ACVR1C: variants seen among roughly 807,000 people sequenced by gnomAD.
ACVR1C encodes activin receptor type-1C.
A neutral mutation model predicts 57.9 loss-of-function variants in ACVR1C; 23 were observed. The observed-to-expected ratio is 0.40, with a 90% CI of 0.29 to 0.56. ACVR1C has a LOEUF of 0.56. Ranked by LOEUF, ACVR1C falls within the 20% of genes least tolerant of loss-of-function variation. The pLI is 0.50. For missense variants in ACVR1C, 480 were observed against 607.9 expected (o/e 0.79, Z 2.21); for synonymous variants, 214 against 215.3 (o/e 0.99, Z 0.05).
At chr2:157,611,904 A>T (rs1396282146) in intron 1 of ACVR1C, among the ~76,000 whole-genome samples, 1 of 152,152 alleles carries the variant, frequency 6.6e-6, no homozygotes, top group African/African-American at 2.4e-5. Flanking sequence ...TGTAGTAGAC[A>T]AGGTGAGGTA....
chr2:157,585,526 C>T (rs916211902), intron 2 of ACVR1C, among the ~76,000 whole-genome samples: 2 of 152,092 alleles, frequency 1.3e-5, no homozygotes, highest in African/African-American at 4.8e-5. Flanking sequence ...AGACATCTTG[C>T]CCTCTAATAC....
intron 2 of ACVR1C, among the ~76,000 whole-genome samples, chr2:157,556,657 CTTTTTTTTTT>C (rs1169628343): frequency 1.1e-5 from 1 of 87,872 alleles, no homozygotes; most frequent in African/African-American, 5.2e-5. Flanking sequence ...CAGCAGTACA[CTTTTTTTTTT>C]TTTTTTTTTT....
intron 2 of ACVR1C, among the ~76,000 whole-genome samples, chr2:157,574,251 C>T (rs543808035): frequency 1.3e-5 from 2 of 152,308 alleles, no homozygotes; most frequent in Non-Finnish European, 2.9e-5. Context: ...AACATGCCAG[C>T]AGATTCTATG....
intron 2 of ACVR1C, among the ~76,000 whole-genome samples, chr2:157,563,874 C>A (rs888339894): frequency 6.6e-6 from 1 of 152,142 alleles, no homozygotes; most frequent in African/African-American, 2.4e-5. Context: ...GGAAAAGATT[C>A]CCTATTTAAT....
rs1052206902 is a variant in ACVR1C, at chr2:157,566,771, A to G, written c.305-10439T>C. On this transcript the variant is annotated intron_variant, in intron 2 of 8. Coordinates refer to ENST00000243349, the MANE Select transcript of ACVR1C (RefSeq NM_145259.3). ...TCTGAGATCAAACTGCAAGGCGGCA[A>G]CGAGGCTGGGGGAGGGGCGCCCGCC... 7.7e-4 allele frequency among the ~76,000 whole-genome samples: 117 copies of G among 151,830 alleles called. 1 individual carries two copies. Among genetic ancestry groups the G allele is most frequent in the African/African-American group, 1.6e-3 (65 of 41,494 alleles).
chr2:157,559,894 G>A (rs1005163458), intron 2 of ACVR1C, among the ~76,000 whole-genome samples: 5 of 151,164 alleles, frequency 3.3e-5, no homozygotes, highest in Non-Finnish European at 5.9e-5. Context: ...AAGGAGAGAG[G>A]GAAGGAAGGA....
chr2:157,585,971 G>GT (rs1294984720), intron 2 of ACVR1C, among the ~76,000 whole-genome samples: 1 of 151,954 alleles, frequency 6.6e-6, no homozygotes. Context: ...TACTTTAAGA[G>GT]TTTTTTTTCT....
intron 1 of ACVR1C, among the ~76,000 whole-genome samples, chr2:157,627,708 T>C (rs1358726656): frequency 6.6e-6 from 1 of 152,242 alleles, no homozygotes; most frequent in Admixed American, 6.5e-5. Context: ...CTTCAATGTC[T>C]GATAGAAATT....
At chr2:157,604,355 G>A (rs564187140) in intron 1 of ACVR1C, among the ~76,000 whole-genome samples, 45 of 152,056 alleles carry the variant, frequency 3.0e-4, no homozygotes, top group African/African-American at 1.0e-3. Flanking sequence ...AATGTCAAAC[G>A]AATGCAGTCT....
chr2:157,551,381 G>A (rs1287913012), intron 3 of ACVR1C, among the ~76,000 whole-genome samples: 1 of 152,134 alleles, frequency 6.6e-6, no homozygotes, highest in Non-Finnish European at 1.5e-5. Flanking sequence ...GTTAATCTTA[G>A]GATGGCTTAC....
chr2:157,625,663 C>A (rs1283058803), intron 1 of ACVR1C, among the ~76,000 whole-genome samples: 15 of 151,952 alleles, frequency 9.9e-5, no homozygotes. Flanking sequence ...CCACTCTCAC[C>A]CTGGTTATTA....
intron 2 of ACVR1C, among the ~76,000 whole-genome samples, chr2:157,560,251 A>G (rs948118321): frequency 1.3e-5 from 2 of 152,152 alleles, no homozygotes; most frequent in Non-Finnish European, 2.9e-5. Flanking sequence ...TGATCCCCAC[A>G]TTTCCTTCTC....
intron 3 of ACVR1C, among the ~76,000 whole-genome samples, chr2:157,555,105 T>TTTTTTTTTTTTC: frequency 3.0e-5 from 3 of 101,242 alleles, no homozygotes; most frequent in African/African-American, 1.6e-4. Context: ...TGAACGCTTT[T>TTTTTTTTTTTTC]TTTTTTTTTT....
chr2:157,564,025 C>G (rs1474236684), intron 2 of ACVR1C, among the ~76,000 whole-genome samples: 1 of 152,150 alleles, frequency 6.6e-6, no homozygotes, highest in East Asian at 1.9e-4. Flanking sequence ...AGAGGAAAAC[C>G]TAAGCAATAC....
rs1460554159 is a variant in ACVR1C, at chr2:157,587,322, C to T, written c.169G>A (p.Glu57Lys). 1.2e-6 allele frequency: 2 copies of T among 1,613,574 alleles called. No individual in the cohort carries two copies. Among genetic ancestry groups the T allele is most frequent in the African/African-American group, 2.7e-5 (2 of 74,888 alleles). Residue 57 changes from glutamate (E) to lysine (K), a missense_variant, in exon 2 of 9, where the codon GAG becomes AAG. Physicochemically the swap from Glu to Lys is moderately conservative, Grantham distance 56. Transcript: ENST00000243349. Reference sequence around the variant, plus strand: ...GAGACACAGGATTTGATCACCTGCTCTTTTCCATTGGTTAGCATGACTGAT... The same window carrying T: ...GAGACACAGGATTTGATCACCTGCTTTTTTCCATTGGTTAGCATGACTGAT... The part of the protein sequence containing the change: ...WASVMLTNGK[E>K]QVIKSCVSLP...
intron 1 of ACVR1C, among the ~76,000 whole-genome samples, chr2:157,591,144 G>T (rs985044327): frequency 2.6e-5 from 4 of 151,808 alleles, no homozygotes; most frequent in African/African-American, 9.7e-5. Flanking sequence ...ATGAACTAGG[G>T]TGCAGAGACC....
At chr2:157,544,694 C>G (rs1376662915) in intron 4 of ACVR1C, 82 bp from the exon 5 acceptor site, 12 of 1,247,858 alleles carry the variant, frequency 9.6e-6, no homozygotes, top group Non-Finnish European at 1.2e-5. Flanking sequence ...AGTGTTTAAT[C>G]TGTATTGTTA....
intron 2 of ACVR1C, among the ~76,000 whole-genome samples, chr2:157,583,957 A>G (rs1282651740): frequency 6.6e-6 from 1 of 152,172 alleles, no homozygotes; most frequent in East Asian, 1.9e-4. Context: ...TGGGTAGACA[A>G]AAACTCAGGA....
In ACVR1C at chr2:157,551,596, C is replaced by T. The variant is rs375172656; in HGVS notation, c.545-1204G>A. On this transcript the variant is annotated intron_variant, in intron 3 of 8. Coordinates refer to ENST00000243349, the MANE Select transcript of ACVR1C (RefSeq NM_145259.3). ...TGATGGTTATTTCTCTTGGTGAAAC[C>T]GGGGTGAGTTATGATAGTCTTCTTT... Among the ~76,000 whole-genome samples, 25 of 152,052 alleles carry T rather than the reference C, an allele frequency of 1.6e-4. 1 individual carries two copies. The South Asian group carries it at 4.2e-3, about 25-fold the overall frequency.
Sources: gnomAD v4.1 joint callset for allele counts (sites outside exome capture counted in the v4.1 genomes callset) on GRCh38, gnomAD v4.1.1 for gene constraint, MANE v1.5 for transcripts, NCBI Gene and HGNC (gene_info 2026-07-23, HGNC 2026-07-21) for gene names.